COL25A1: variants seen among roughly 807,000 people sequenced by gnomAD.
COL25A1 encodes collagen type XXV alpha 1 chain.
A neutral mutation model predicts 128.4 loss-of-function variants in COL25A1; 103 were observed. The observed-to-expected ratio is 0.80, with a 90% CI of 0.68 to 0.94. The LOEUF (loss-of-function observed/expected upper bound fraction) is 0.94, where lower values mean the gene tolerates loss of function less well. Ranked by LOEUF, COL25A1 falls within the 40% of genes least tolerant of loss-of-function variation. COL25A1 has a pLI of 0.00. For missense variants in COL25A1, 745 were observed against 840.0 expected (o/e 0.89, Z 1.40); for synonymous variants, 279 against 277.2 (o/e 1.01, Z -0.06).
intron 3 of COL25A1, among the ~76,000 whole-genome samples, chr4:109,229,771 T>C (rs541310519): frequency 2.6e-4 from 39 of 152,170 alleles, no homozygotes; most frequent in South Asian, 4.2e-4. Context: ...TGTCTGACGA[T>C]GGCTGTGCAA....
At chr4:109,255,264 A>G (rs1780998583) in intron 3 of COL25A1, among the ~76,000 whole-genome samples, 1 of 152,186 alleles carries the variant, frequency 6.6e-6, no homozygotes, top group Non-Finnish European at 1.5e-5. Flanking sequence ...TTTTAAACTA[A>G]TCTATTTCAA....
chr4:109,055,030 C>T (rs1361431454), intron 3 of COL25A1, among the ~76,000 whole-genome samples: 1 of 152,174 alleles, frequency 6.6e-6, no homozygotes, highest in East Asian at 1.9e-4. Context: ...ACCAGGTTTA[C>T]CTTCAGGTCT....
intron 5 of COL25A1, among the ~76,000 whole-genome samples, chr4:109,042,318 A>G (rs1759986686): frequency 6.6e-6 from 1 of 152,154 alleles, no homozygotes; most frequent in Non-Finnish European, 1.5e-5. Context: ...ATTCATAGTC[A>G]TATTCTTTTT....
chr4:109,180,285 AT>A (rs1774503728), intron 3 of COL25A1, among the ~76,000 whole-genome samples: 1 of 152,192 alleles, frequency 6.6e-6, no homozygotes, highest in South Asian at 2.1e-4. Flanking sequence ...TACTGAAATA[AT>A]TTTGACTCTG....
At chr4:108,987,669 C>T (rs1214846222) in intron 6 of COL25A1, among the ~76,000 whole-genome samples, 10 of 152,238 alleles carry the variant, frequency 6.6e-5, no homozygotes, top group East Asian at 3.9e-4. Context: ...CCACCGCGCC[C>T]GGCCGTGCAT....
At chr4:109,279,779 C>T (rs1723190991) in intron 3 of COL25A1, among the ~76,000 whole-genome samples, 1 of 152,152 alleles carries the variant, frequency 6.6e-6, no homozygotes. Flanking sequence ...ACCGTGTGAA[C>T]ATTTGCCCTT....
At chr4:108,819,944 A>G in intron 35 of COL25A1, 2 of 915,710 alleles carry the variant, frequency 2.2e-6, no homozygotes, top group Non-Finnish European at 2.9e-6. Context: ...TATTTGGGGG[A>G]AAATAACGGT....
At position 109,301,792 on chromosome 4, in the gene COL25A1, A is replaced by G; in HGVS notation, c.228T>C (p.His76=). Residue 76 remains histidine, a synonymous_variant, in exon 2 of 38, where the codon CAT becomes CAC. Coordinates refer to ENST00000399132, the MANE Select transcript of COL25A1 (RefSeq NM_198721.4). ...GGTGATCCAGGGTATCAGGCAGCAG[A>G]TGAATGGAAGGGGCCCCTTTGGCGG... ...LESAKGAPSI[H]LLPDTLDHLK... is the part of the protein sequence containing the mutation. 1 of 1,614,246 alleles carries G rather than the reference A, an allele frequency of 6.2e-7. No individual in the cohort carries two copies. Among genetic ancestry groups the G allele is most frequent in the African/African-American group, 1.3e-5 (1 of 75,072 alleles).
At chr4:108,903,660 T>C (rs1394812552) in intron 13 of COL25A1, among the ~76,000 whole-genome samples, 1 of 152,078 alleles carries the variant, frequency 6.6e-6, no homozygotes, top group Non-Finnish European at 1.5e-5. Flanking sequence ...TAACTGCATA[T>C]TTCTAAATTG....
intron 3 of COL25A1, among the ~76,000 whole-genome samples, chr4:109,212,597 T>G (rs1777661198): frequency 1.3e-5 from 2 of 152,082 alleles, no homozygotes; most frequent in African/African-American, 2.4e-5. Context: ...GAAGACAGTA[T>G]GCCCATGTCA....
intron 3 of COL25A1, among the ~76,000 whole-genome samples, chr4:109,240,590 C>T (rs1192249159): frequency 1.3e-5 from 2 of 152,054 alleles, no homozygotes; most frequent in Non-Finnish European, 2.9e-5. Flanking sequence ...TGGTTTTCAT[C>T]ACTCATTGAA....
At chr4:109,276,908 C>T (rs1221991508) in intron 3 of COL25A1, among the ~76,000 whole-genome samples, 5 of 152,186 alleles carry the variant, frequency 3.3e-5, no homozygotes, top group East Asian at 1.9e-4. Context: ...ACAACCACCA[C>T]GCTTTCCTTA....
intron 3 of COL25A1, among the ~76,000 whole-genome samples, chr4:109,297,057 C>T (rs937151368): frequency 3.9e-5 from 6 of 152,054 alleles, no homozygotes; most frequent in Non-Finnish European, 8.8e-5. Flanking sequence ...GGTTTGGTTA[C>T]TGCTAAACCA....
chr4:109,131,212 C>T (rs1168856886), intron 3 of COL25A1, among the ~76,000 whole-genome samples: 1 of 149,332 alleles, frequency 6.7e-6, no homozygotes, highest in East Asian at 1.9e-4. Context: ...GAAACATTGG[C>T]TTAATAAAAG....
intron 3 of COL25A1, among the ~76,000 whole-genome samples, chr4:109,174,388 A>G (rs1215680023): frequency 1.3e-5 from 2 of 152,184 alleles, no homozygotes; most frequent in African/African-American, 4.8e-5. Flanking sequence ...CACAGGGACC[A>G]GACACAGCTC....
intron 3 of COL25A1, among the ~76,000 whole-genome samples, chr4:109,073,479 C>A (rs989151515): frequency 6.6e-6 from 1 of 152,152 alleles, no homozygotes; most frequent in Non-Finnish European, 1.5e-5. Context: ...ACAATCGCTG[C>A]AGATCTTCTT....
chr4:109,050,995 T>C (rs896041200), intron 3 of COL25A1, among the ~76,000 whole-genome samples: 4 of 152,118 alleles, frequency 2.6e-5, no homozygotes, highest in African/African-American at 9.7e-5. Context: ...AATTATATAA[T>C]TTCTGTCCTC....
At chr4:108,969,167 G>C (rs1008474269) in intron 8 of COL25A1, among the ~76,000 whole-genome samples, 5 of 152,112 alleles carry the variant, frequency 3.3e-5, no homozygotes, top group Admixed American at 6.6e-5. Context: ...CTTGGCACTT[G>C]GGGTAAACCT....
At chr4:109,148,603 C>T (rs1459444993) in intron 3 of COL25A1, among the ~76,000 whole-genome samples, 1 of 152,194 alleles carries the variant, frequency 6.6e-6, no homozygotes, top group Non-Finnish European at 1.5e-5. Context: ...ACCTATCTCA[C>T]TGCCACTAGT....
Sources: gnomAD v4.1 joint callset for allele counts (sites outside exome capture counted in the v4.1 genomes callset) on GRCh38, gnomAD v4.1.1 for gene constraint, MANE v1.5 for transcripts, NCBI Gene and HGNC (gene_info 2026-07-23, HGNC 2026-07-21) for gene names.